Variants in RIPOR3 observed in about 807,000 individuals in gnomAD.
RIPOR3 encodes family with sequence similarity 65 member C.
A neutral mutation model predicts 114.3 loss-of-function variants in RIPOR3; 95 were observed. The ratio of observed to expected loss-of-function variants is 0.83; its 90% confidence interval spans 0.70 to 0.99. The LOEUF (loss-of-function observed/expected upper bound fraction) is 0.99. Among genes scored for constraint, RIPOR3 ranks in the 50% least tolerant of loss-of-function variants. The pLI is 0.00. For synonymous variants in RIPOR3, 575 were observed against 543.8 expected, an observed-to-expected ratio of 1.06 and a Z score of -0.80; for missense variants, 1,252 against 1,266.9, an observed-to-expected ratio of 0.99 and a Z score of 0.18.
At chr20:50,635,061 A>G (rs2084939388) in intron 1 of RIPOR3, among the ~76,000 whole-genome samples, 3 of 152,182 alleles carry the variant, frequency 2.0e-5, no homozygotes, top group Admixed American at 6.5e-5. Context: ...AAAAAGCCAG[A>G]TAGTAGATAT....
intron 1 of RIPOR3, among the ~76,000 whole-genome samples, chr20:50,649,902 C>T (rs1419195128): frequency 2.6e-5 from 4 of 152,228 alleles, no homozygotes; most frequent in African/African-American, 9.6e-5. Context: ...GGCTCCAGCC[C>T]CAGCCGGGCT....
intron 1 of RIPOR3, among the ~76,000 whole-genome samples, chr20:50,633,294 C>A (rs989363497): frequency 3.3e-5 from 5 of 152,046 alleles, no homozygotes; most frequent in African/African-American, 9.7e-5. Flanking sequence ...AAAAAATAGT[C>A]AATTGTTAAA....
chr20:50,606,727 CT>C (rs55820806), intron 11 of RIPOR3, among the ~76,000 whole-genome samples: 86,683 of 147,390 alleles, frequency 0.59, 25,829 homozygotes, highest in East Asian at 0.86. Flanking sequence ...GCTTTCTTGC[CT>C]TTTTTTTTTT....
In RIPOR3 at chr20:50,620,052, G is replaced by GC; in HGVS notation, c.202_203insG (p.Ser68CysfsTer32). On this transcript the variant is annotated frameshift_variant, in exon 3 of 22. Transcript: ENST00000327979. LOFTEE classifies it high-confidence loss of function. ...CTGGGGCTTCGGGTCTGCACAGACC[G>GC]ACCCCTTCCGCAGCGTGCCGTACAT... The GC allele has an allele frequency of 1.5e-5, 24 of 1,614,154 alleles. No individual in the cohort carries two copies. Among genetic ancestry groups the GC allele is most frequent in the Non-Finnish European group, 1.9e-5 (23 of 1,180,020 alleles).
chr20:50,624,410 C>A (rs191502847), intron 2 of RIPOR3, among the ~76,000 whole-genome samples: 1 of 152,308 alleles, frequency 6.6e-6, no homozygotes, highest in East Asian at 1.9e-4. Flanking sequence ...CAGGTGTGCA[C>A]CGTTGGCCCA....
Position 50,592,605 on chromosome 20 carries a change from T to G in RIPOR3, c.2375-59A>C, listed in dbSNP as rs547419645. ...CTGAATGGGAGTTTGGCAGGACAGC[T>G]GCAAGTTTGCTTGGCTGCTGCCAGT... On this transcript the variant is annotated intron_variant, in intron 18 of 21. Transcript: ENST00000327979. 4 of 1,373,376 alleles carry G rather than the reference T, an allele frequency of 2.9e-6. No individual in the cohort carries two copies. In the East Asian group the frequency reaches 1.1e-4, roughly 37 times the overall value. The allele number at this position is 1,373,376 out of a possible 1,614,324, so 85.1% of individuals were successfully genotyped here.
intron 1 of RIPOR3, among the ~76,000 whole-genome samples, chr20:50,633,186 T>C (rs2084874804): frequency 6.6e-6 from 1 of 152,002 alleles, no homozygotes; most frequent in African/African-American, 2.4e-5. Context: ...CACTTGAACC[T>C]GGGAGGTGGA....
chr20:50,623,544 C>A (rs896326686), intron 2 of RIPOR3, among the ~76,000 whole-genome samples: 1 of 152,154 alleles, frequency 6.6e-6, no homozygotes, highest in African/African-American at 2.4e-5. Context: ...GACCTGGGGC[C>A]TCTCTAGTTT....
intron 1 of RIPOR3, among the ~76,000 whole-genome samples, chr20:50,690,452 A>G (rs2087171623): frequency 6.6e-6 from 1 of 152,140 alleles, no homozygotes; most frequent in Non-Finnish European, 1.5e-5. Flanking sequence ...CACATCCTTT[A>G]GAGAGTAAAA....
chr20:50,618,234 G>A (rs576988695), intron 3 of RIPOR3, among the ~76,000 whole-genome samples: 21 of 123,816 alleles, frequency 1.7e-4, no homozygotes, highest in Non-Finnish European at 3.1e-4. Context: ...TCACACCACC[G>A]CACTCCAGCC....
chr20:50,620,560 G>A (rs1054947815), intron 2 of RIPOR3, among the ~76,000 whole-genome samples: 8 of 152,046 alleles, frequency 5.3e-5, no homozygotes, highest in Non-Finnish European at 8.8e-5. Context: ...CCGGGAGGTG[G>A]AGGTTTCAGT....
In RIPOR3 at chr20:50,667,378, C is replaced by T. The variant is rs553460163; in HGVS notation, c.3+23748G>A. Reference sequence around the variant, plus strand: ...GCACGATCTTGGCTCACTGCAACCTCCACCTCCTGGGTTCAAGTGATTCTC... The same window carrying T: ...GCACGATCTTGGCTCACTGCAACCTTCACCTCCTGGGTTCAAGTGATTCTC... On this transcript the variant is annotated intron_variant, in intron 1 of 21. Transcript: ENST00000327979. Among the ~76,000 whole-genome samples, 15 of 149,488 alleles carry T rather than the reference C, an allele frequency of 1.0e-4. 1 individual carries two copies. The South Asian group carries it at 3.2e-3, about 32-fold the overall frequency.
chr20:50,638,590 T>C (rs1327070145), intron 1 of RIPOR3, among the ~76,000 whole-genome samples: 9 of 152,008 alleles, frequency 5.9e-5, no homozygotes, highest in Non-Finnish European at 1.0e-4. Flanking sequence ...AAAGAAGCCT[T>C]TGAGGCCACT....
chr20:50,671,428 G>GCACACACACACACA (rs1160861232), intron 1 of RIPOR3, among the ~76,000 whole-genome samples: 7 of 38,158 alleles, frequency 1.8e-4, no homozygotes, highest in African/African-American at 4.4e-4. Context: ...ACGCGCGCGC[G>GCACACACACACACA]CACACACACA....
intron 1 of RIPOR3, among the ~76,000 whole-genome samples, chr20:50,642,169 C>T (rs1281503769): frequency 1.3e-5 from 2 of 152,102 alleles, no homozygotes; most frequent in Admixed American, 6.6e-5. Flanking sequence ...AGCACATTTC[C>T]TTAGGTTTAC....
At position 50,592,533 on chromosome 20, in the gene RIPOR3, C is replaced by T. The variant is rs766347916; in HGVS notation, c.2388G>A (p.Glu796=). 1.9e-6 allele frequency: 3 copies of T among 1,563,178 alleles called. No homozygotes were observed. The highest frequency in any genetic ancestry group is 1.4e-5 in the African/African-American group (1 of 73,174). Residue 796 remains glutamate (E), a synonymous_variant, in exon 19 of 22, where the codon GAG becomes GAA. Transcript: ENST00000327979. ...TGGCCTGTCCCGCACAGTGAAGCTCCTCGATGAGTGTCACTAGAAGACAGG... is the reference window on the plus strand; with the variant it reads ...TGGCCTGTCCCGCACAGTGAAGCTCTTCGATGAGTGTCACTAGAAGACAGG... The part of the protein sequence containing the change: ...TQLTKEVTLI[E]ELHCAGQAKV...
rs141753078 is a variant in RIPOR3 at position 50,640,712 on chromosome 20, C to T, written c.4-9856G>A. On this transcript the variant is annotated intron_variant, in intron 1 of 21. Transcript: ENST00000327979. The stretch of plus-strand genomic sequence containing the variant: ...GCAAAGAAAGACTTCCACACCCTGC[C>T]GCTGCCTGGGAGAACCCTGAGCTTC... Among the ~76,000 whole-genome samples the T allele has an allele frequency of 8.0e-3, 1,213 of 152,006 alleles. 6 individuals carry two copies. Among genetic ancestry groups the T allele is most frequent in the African/African-American group, 0.028 (1,143 of 41,378 alleles).
intron 6 of RIPOR3, among the ~76,000 whole-genome samples, chr20:50,609,950 CCTGCCACCACTGCCTCA>C (rs2083892535): frequency 6.8e-6 from 1 of 147,970 alleles, no homozygotes; most frequent in African/African-American, 2.5e-5. Context: ...ACCTGCCTCA[CCTGCCACCACTGCCTCA>C]CCTGCCACCC....
At chr20:50,615,714 T>C (rs2084149027) in intron 4 of RIPOR3, among the ~76,000 whole-genome samples, 1 of 152,130 alleles carries the variant, frequency 6.6e-6, no homozygotes, top group South Asian at 2.1e-4. Context: ...GGTCACCTGA[T>C]GGCCAAGGTC....
Sources: allele counts gnomAD v4.1 joint callset (sites outside exome capture counted in the v4.1 genomes callset), GRCh38; gene constraint gnomAD v4.1.1; transcripts MANE v1.5; gene names NCBI Gene and HGNC (gene_info 2026-07-23, HGNC 2026-07-21).